Variants in FHOD3 observed in about 807,000 individuals in gnomAD.
FHOD3 encodes the protein FH1/FH2 domain-containing protein 3.
Under a neutral mutation model 173.0 loss-of-function variants are expected in FHOD3, and 90 were observed. That is an observed-to-expected ratio of 0.52 (90% confidence interval 0.44 to 0.62). FHOD3 has a LOEUF of 0.62. FHOD3 is among the 20% of genes least tolerant of loss of function. The pLI is 0.00. For synonymous variants in FHOD3, 828 were observed against 823.0 expected, an observed-to-expected ratio of 1.01 and a Z score of -0.10; for missense variants, 1,945 against 2,034.7, an observed-to-expected ratio of 0.96 and a Z score of 0.85.
chr18:36,705,315 G>A (rs1248274550), intron 17 of FHOD3, among the ~76,000 whole-genome samples: 3 of 152,144 alleles, frequency 2.0e-5, no homozygotes, highest in African/African-American at 4.8e-5. Context: ...GTGCCTGCAT[G>A]TGCACTTCCC....
chr18:36,318,261 A>G (rs1161764721), intron 1 of FHOD3, among the ~76,000 whole-genome samples: 6 of 152,202 alleles, frequency 3.9e-5, no homozygotes, highest in Admixed American at 1.3e-4. Context: ...AATTCTGTGA[A>G]GAAAGTCCTT....
chr18:36,682,557 A>G (rs1005421036), intron 15 of FHOD3, among the ~76,000 whole-genome samples: 1 of 152,146 alleles, frequency 6.6e-6, no homozygotes, highest in African/African-American at 2.4e-5. Context: ...ATGAGGATTT[A>G]CAGATTTAAT....
chr18:36,677,794 A>G (rs1041495186), intron 14 of FHOD3, among the ~76,000 whole-genome samples: 2 of 152,198 alleles, frequency 1.3e-5, no homozygotes, highest in Non-Finnish European at 2.9e-5. Context: ...TCCTTTTGGG[A>G]TATTGATTTG....
intron 7 of FHOD3, among the ~76,000 whole-genome samples, chr18:36,598,674 C>T (rs1355710133): frequency 6.6e-6 from 1 of 152,084 alleles, no homozygotes; most frequent in Non-Finnish European, 1.5e-5. Context: ...CCTCAGCCTC[C>T]CGAGTAGTTG....
rs886592553 is a variant in FHOD3, at chr18:36,397,494, T to C, written c.337+24750T>C. ...AGGATGGGTTTTAGATACTAAAAACTATTTTGAGATTCACACACATTTGTA... is the reference window on the plus strand; with the variant it reads ...AGGATGGGTTTTAGATACTAAAAACCATTTTGAGATTCACACACATTTGTA... On this transcript the variant is annotated intron_variant, in intron 3 of 28. Transcript: ENST00000590592. 2.0e-5 allele frequency among the ~76,000 whole-genome samples: 3 copies of C among 152,230 alleles called. No homozygotes were observed. The South Asian group carries it at 6.2e-4, about 32-fold the overall frequency.
chr18:36,711,575 A>G (rs1444516140), intron 18 of FHOD3: 1 of 152,234 alleles, frequency 6.6e-6, no homozygotes. Context: ...AGGGTCTCAC[A>G]AAACAATCGA....
At chr18:36,331,232 A>G (rs1408696259) in intron 1 of FHOD3, among the ~76,000 whole-genome samples, 2 of 152,258 alleles carry the variant, frequency 1.3e-5, no homozygotes, top group Non-Finnish European at 2.9e-5. Context: ...TGGATTGACT[A>G]CTAGTTTAAG....
intron 2 of FHOD3, among the ~76,000 whole-genome samples, chr18:36,366,822 A>G (rs729393): frequency 0.37 from 56,720 of 151,990 alleles, 11,269 homozygotes; most frequent in East Asian, 0.67. Context: ...CTCCTGGGGC[A>G]ACTGTTGAGG....
intron 10 of FHOD3, among the ~76,000 whole-genome samples, chr18:36,630,978 C>G (rs2034472215): frequency 6.6e-6 from 1 of 152,182 alleles, no homozygotes; most frequent in Non-Finnish European, 1.5e-5. Flanking sequence ...GTAGTCTGAC[C>G]TACAGACATA....
At chr18:36,773,949 A>G (rs1466862599) in intron 28 of FHOD3, among the ~76,000 whole-genome samples, 1 of 152,212 alleles carries the variant, frequency 6.6e-6, no homozygotes, top group African/African-American at 2.4e-5. Flanking sequence ...GACACTCTCG[A>G]CTTAATCTGG....
intron 22 of FHOD3, among the ~76,000 whole-genome samples, chr18:36,743,626 C>G (rs1011172293): frequency 3.3e-5 from 5 of 152,170 alleles, no homozygotes; most frequent in African/African-American, 9.7e-5. Flanking sequence ...TTTGCTGCCC[C>G]TATCAACCCA....
rs374110751 is a variant in FHOD3 at position 36,649,206 on chromosome 18, CGTT to C, written c.1197-91_1197-89del. On this transcript the variant is annotated intron_variant, in intron 10 of 28. Transcript: ENST00000590592. ...TTTTTTTTTTTAATTATTATTATTT[CGTT>C]GTTGTTGTTGTTGTTGTTTTTGCTT... 2,394 of 561,890 alleles carry C rather than the reference CGTT, an allele frequency of 4.3e-3. 10 individuals carry two copies. Among genetic ancestry groups the C allele is most frequent in the Non-Finnish European group, 5.5e-3 (1,889 of 342,882 alleles). The allele number at this position is 561,890 out of a possible 1,614,324, so 34.8% of individuals were successfully genotyped here. A position where few individuals can be genotyped will look rare whatever the true frequency, so the allele number is the denominator to read the frequency against.
At chr18:36,370,262 T>C (rs1051005709) in intron 2 of FHOD3, among the ~76,000 whole-genome samples, 6 of 152,232 alleles carry the variant, frequency 3.9e-5, no homozygotes, top group East Asian at 3.9e-4. Flanking sequence ...CAGCAGAAGA[T>C]AAGGTAGGAG....
chr18:36,690,902 C>T (rs935565294), intron 16 of FHOD3, among the ~76,000 whole-genome samples: 1 of 152,204 alleles, frequency 6.6e-6, no homozygotes, highest in African/African-American at 2.4e-5. Flanking sequence ...GAAGCAACAA[C>T]TCACCATCCC....
chr18:36,364,686 AC>A (rs1461583974), intron 2 of FHOD3, among the ~76,000 whole-genome samples: 2 of 152,204 alleles, frequency 1.3e-5, no homozygotes, highest in Non-Finnish European at 2.9e-5. Flanking sequence ...TGTGGAATAT[AC>A]ATTGTCACTC....
At chr18:36,468,905 G>C (rs2053114367) in intron 3 of FHOD3, among the ~76,000 whole-genome samples, 1 of 152,152 alleles carries the variant, frequency 6.6e-6, no homozygotes, top group South Asian at 2.1e-4. Flanking sequence ...TGAGGCGGCA[G>C]GTCTGGAAAA....
intron 3 of FHOD3, among the ~76,000 whole-genome samples, chr18:36,492,718 A>C (rs1162055037): frequency 6.6e-6 from 1 of 152,124 alleles, no homozygotes; most frequent in East Asian, 1.9e-4. Context: ...GTCATTGTTC[A>C]CGTGTAGCCT....
At chr18:36,664,789 A>AGAGAG (rs1306136653) in intron 14 of FHOD3, among the ~76,000 whole-genome samples, 22 of 147,792 alleles carry the variant, frequency 1.5e-4, no homozygotes, top group African/African-American at 5.8e-4. Flanking sequence ...AGAGAGAGAG[A>AGAGAG]GAGAGAGAGA....
At chr18:36,488,468 G>T (rs2054301055) in intron 3 of FHOD3, among the ~76,000 whole-genome samples, 1 of 152,186 alleles carries the variant, frequency 6.6e-6, no homozygotes, top group Non-Finnish European at 1.5e-5. Flanking sequence ...CTCACCACCT[G>T]GTTAGGAAGA....
Sources: gnomAD v4.1 joint callset for allele counts (sites outside exome capture counted in the v4.1 genomes callset) on GRCh38, gnomAD v4.1.1 for gene constraint, MANE v1.5 for transcripts, NCBI Gene and HGNC (gene_info 2026-07-23, HGNC 2026-07-21) for gene names.